Variants in WSCD2 observed in about 807,000 individuals in gnomAD.
WSCD2 encodes the protein WSC domain sialate O sulfotransferase 2.
A neutral mutation model predicts 55.7 loss-of-function variants in WSCD2; 28 were observed. That is an observed-to-expected ratio of 0.50 (90% CI 0.37 to 0.69). The LOEUF (loss-of-function observed/expected upper bound fraction) is 0.69, where lower values mean the gene tolerates loss of function less well. WSCD2 is among the 30% of genes least tolerant of loss of function. The pLI is 0.00. For synonymous variants in WSCD2, 301 were observed against 301.9 expected (o/e 1.00, Z 0.03); for missense variants, 616 against 762.1 (o/e 0.81, Z 2.26).
intron 2 of WSCD2, chr12:108,196,874 G>A (rs1270228593): frequency 1.3e-5 from 2 of 152,338 alleles, no homozygotes; most frequent in East Asian, 3.9e-4. Flanking sequence ...ACACTTCATG[G>A]GCTTAAACAA....
At chr12:108,223,743 TCCCAGGAAGTTACGC>T (rs1163915248) in intron 4 of WSCD2, among the ~76,000 whole-genome samples, 1 of 152,022 alleles carries the variant, frequency 6.6e-6, no homozygotes, top group Non-Finnish European at 1.5e-5. Flanking sequence ...AAGCAGCCCC[TCCCAGGAAGTTACGC>T]CCCAGCCTGG....
At chr12:108,227,219 C>A in intron 6 of WSCD2, 55 bp downstream of exon 6, 1 of 1,568,732 alleles carries the variant, frequency 6.4e-7, no homozygotes, top group Non-Finnish European at 8.6e-7. Flanking sequence ...GGCTTCCCTC[C>A]CAGACGTGTT....
At chr12:108,158,720 G>C (rs2136933579) in intron 1 of WSCD2, among the ~76,000 whole-genome samples, 1 of 152,182 alleles carries the variant, frequency 6.6e-6, no homozygotes, top group East Asian at 1.9e-4. Flanking sequence ...ATCCCTCCCT[G>C]ACAGTACCAA....
chr12:108,200,810 A>G (rs769494706), intron 2 of WSCD2, among the ~76,000 whole-genome samples: 2 of 152,268 alleles, frequency 1.3e-5, no homozygotes, highest in Non-Finnish European at 2.9e-5. Context: ...TGAGCTTAGT[A>G]TGTAGGATCC....
rs1875260284 is a variant in WSCD2 at position 108,129,530 on chromosome 12, C to G, written c.-948C>G. ...GCGGCTCGGGGCACCCGCAGTGCCGCCCGCCCGAGCGCCAGGCTCACAGGA... is the reference window on the plus strand; with the variant it reads ...GCGGCTCGGGGCACCCGCAGTGCCGGCCGCCCGAGCGCCAGGCTCACAGGA... On this transcript the variant is annotated 5_prime_UTR_variant, in exon 1 of 9. Coordinates refer to ENST00000547525, the MANE Select transcript of WSCD2 (RefSeq NM_014653.4). The G allele has an allele frequency of 1.3e-5, 2 of 151,588 alleles. No individual in the cohort carries two copies. Among genetic ancestry groups the G allele is most frequent in the East Asian group, 1.9e-4 (1 of 5,130 alleles). The allele number at this position is 151,588 out of a possible 1,614,324, so 9.4% of individuals were successfully genotyped here. A position where few individuals can be genotyped will look rare whatever the true frequency, so the allele number is the denominator to read the frequency against.
At chr12:108,244,836 C>G (rs1179067830) in intron 8 of WSCD2, among the ~76,000 whole-genome samples, 1 of 152,068 alleles carries the variant, frequency 6.6e-6, no homozygotes, top group Non-Finnish European at 1.5e-5. Flanking sequence ...AGACCAGGTG[C>G]TCTATTTTTT....
intron 1 of WSCD2, among the ~76,000 whole-genome samples, chr12:108,160,156 A>G (rs1878918709): frequency 6.6e-6 from 1 of 152,126 alleles, no homozygotes; most frequent in East Asian, 1.9e-4. Context: ...CCAACGTGAA[A>G]ATGAACTGTT....
chr12:108,155,109 G>T (rs568428540), intron 1 of WSCD2, among the ~76,000 whole-genome samples: 4 of 152,282 alleles, frequency 2.6e-5, no homozygotes, highest in Middle Eastern at 3.4e-3. Context: ...CTTTTGTGGG[G>T]CCTCAGTTTC....
chr12:108,154,174 C>T (rs1290209215), intron 1 of WSCD2, among the ~76,000 whole-genome samples: 2 of 152,258 alleles, frequency 1.3e-5, no homozygotes, highest in South Asian at 2.1e-4. Flanking sequence ...GCTGCTGTAA[C>T]AAATCACCAC....
intron 1 of WSCD2, among the ~76,000 whole-genome samples, chr12:108,156,539 G>A (rs10507226): frequency 0.059 from 8,974 of 152,204 alleles, 304 homozygotes; most frequent in Non-Finnish European, 0.075. Flanking sequence ...GAAATCCTAC[G>A]TTGTCTATAT....
At chr12:108,138,693 T>C (rs1876474917) in intron 1 of WSCD2, among the ~76,000 whole-genome samples, 1 of 152,264 alleles carries the variant, frequency 6.6e-6, no homozygotes, top group African/African-American at 2.4e-5. Context: ...AGTCATTTTC[T>C]GCCTCTTCAC....
At chr12:108,131,906 G>A (rs1009944195) in intron 1 of WSCD2, 1 of 152,280 alleles carries the variant, frequency 6.6e-6, no homozygotes, top group Non-Finnish European at 1.5e-5. Context: ...CTAGGGACCA[G>A]GGCAGAGAAG....
chr12:108,249,651 C>G lies in WSCD2; in HGVS notation c.*1308C>G, dbSNP rs559231334. 6.5e-6 allele frequency: 1 copy of G among 152,702 alleles called. No individual in the cohort carries two copies. Among genetic ancestry groups the G allele is most frequent in the South Asian group, 2.1e-4 (1 of 4,826 alleles). 9.5% of individuals were successfully genotyped at this position (152,702 alleles called of 1,614,324 possible). On this transcript the variant is annotated 3_prime_UTR_variant, in exon 9 of 9. Coordinates refer to ENST00000547525, the MANE Select transcript of WSCD2 (RefSeq NM_014653.4). ...TTGCTATTCTATTGGAGTAGCCTCCCTAGGCAGTCCCTCTGAAGCCTTGGA... is the reference window on the plus strand; with the variant it reads ...TTGCTATTCTATTGGAGTAGCCTCCGTAGGCAGTCCCTCTGAAGCCTTGGA...
intron 3 of WSCD2, among the ~76,000 whole-genome samples, chr12:108,209,367 G>A (rs990534888): frequency 1.3e-5 from 2 of 152,094 alleles, no homozygotes; most frequent in Non-Finnish European, 2.9e-5. Flanking sequence ...CCATTCCTGG[G>A]TGATATTTCC....
At chr12:108,182,395 C>A (rs1881896959) in intron 1 of WSCD2, among the ~76,000 whole-genome samples, 1 of 152,148 alleles carries the variant, frequency 6.6e-6, no homozygotes, top group South Asian at 2.1e-4. Context: ...ATCTTAGGAG[C>A]TTAGAAAAAA....
intron 1 of WSCD2, among the ~76,000 whole-genome samples, chr12:108,132,820 G>T (rs1401077654): frequency 1.3e-5 from 2 of 152,232 alleles, no homozygotes; most frequent in African/African-American, 2.4e-5. Flanking sequence ...ACAGCCATGT[G>T]AGTGTGAGTT....
intron 1 of WSCD2, among the ~76,000 whole-genome samples, chr12:108,171,267 G>C (rs933846): frequency 0.83 from 126,165 of 152,168 alleles, 52,393 homozygotes; most frequent in East Asian, 0.91. Context: ...ATTAGACTGG[G>C]AGCATGTAGG....
chr12:108,176,309 C>A (rs188017504), intron 1 of WSCD2, among the ~76,000 whole-genome samples: 8 of 151,966 alleles, frequency 5.3e-5, no homozygotes, highest in Non-Finnish European at 1.0e-4. Flanking sequence ...CTTTGCCCCT[C>A]TGTGGTCAAT....
At chr12:108,228,412 A>G (rs1328311556) in intron 6 of WSCD2, among the ~76,000 whole-genome samples, 1 of 152,220 alleles carries the variant, frequency 6.6e-6, no homozygotes, top group African/African-American at 2.4e-5. Context: ...CCACAGTTAT[A>G]CATCTACAAA....
Sources: gnomAD v4.1 joint callset for allele counts (sites outside exome capture counted in the v4.1 genomes callset) on GRCh38, gnomAD v4.1.1 for gene constraint, MANE v1.5 for transcripts, NCBI Gene and HGNC (gene_info 2026-07-23, HGNC 2026-07-21) for gene names.